The following SPAG9 variants were observed in gnomAD, a reference collection of about 807,000 sequenced individuals.
The protein encoded by SPAG9 is C-Jun-amino-terminal kinase-interacting protein 4.
SPAG9 carries 35 observed loss-of-function variants against 166.5 expected under a neutral mutation model. That is an observed-to-expected ratio of 0.21 (90% confidence interval 0.16 to 0.28). The LOEUF is 0.28. Among genes scored for constraint, SPAG9 ranks in the 10% least tolerant of loss-of-function variants. The pLI is 1.00. For synonymous variants in SPAG9, 534 were observed against 565.5 expected (o/e 0.94, Z 0.79); for missense variants, 1,235 against 1,603.3 (o/e 0.77, Z 3.92).
chr17:51,019,765 T>C (rs1321977093), intron 8 of SPAG9, among the ~76,000 whole-genome samples: 3 of 151,724 alleles, frequency 2.0e-5, no homozygotes, highest in African/African-American at 7.3e-5. Context: ...GGGAGGAGAA[T>C]TGCTTGAACC....
At chr17:50,980,631 G>A (rs2074207147) in intron 25 of SPAG9, among the ~76,000 whole-genome samples, 1 of 151,436 alleles carries the variant, frequency 6.6e-6, no homozygotes, top group East Asian at 2.0e-4. Context: ...ACTTTGGAAG[G>A]CCGAGGTGGG....
At position 50,964,618 on chromosome 17, in the gene SPAG9, T is replaced by G; in HGVS notation, c.*1654A>C. 3.7e-6 allele frequency: 1 copy of G among 270,170 alleles called. No homozygotes were observed. Among genetic ancestry groups the G allele is most frequent in the Non-Finnish European group, 7.5e-6 (1 of 132,952 alleles). 16.7% of individuals were successfully genotyped at this position (270,170 alleles called of 1,614,324 possible). ...AAAAAAAAAAAATCATATTTAGCTT[T>G]GCCTAGAGTAATAGATAAAAAAGGG... is the stretch of plus-strand genomic sequence containing the variant. On this transcript the variant is annotated 3_prime_UTR_variant, in exon 30 of 30. Transcript: ENST00000262013.
intron 9 of SPAG9, among the ~76,000 whole-genome samples, chr17:51,013,791 G>A (rs1273185118): frequency 6.6e-6 from 1 of 151,992 alleles, no homozygotes; most frequent in Non-Finnish European, 1.5e-5. Context: ...AGAAAACTTA[G>A]AAAAATCAAG....
In SPAG9 at chr17:51,120,739, G is replaced by A; in HGVS notation, c.-83C>T. On this transcript the variant is annotated 5_prime_UTR_variant, in exon 1 of 30. Transcript: ENST00000262013. The surrounding 1 kb of genome is among the most constrained non-coding windows in gnomAD (Gnocchi z 4.7). ...CCCGCACGGGACGGACCCGACTCGG[G>A]CTGGGACGGGTACTAGGGCTGGAGC... 1 of 1,265,272 alleles carries A rather than the reference G, an allele frequency of 7.9e-7. No homozygotes were observed. Among genetic ancestry groups the A allele is most frequent in the South Asian group, 1.5e-5 (1 of 68,926 alleles). 78.4% of individuals were successfully genotyped at this position (1,265,272 alleles called of 1,614,324 possible).
At chr17:51,094,013 C>T (rs1220725808) in intron 1 of SPAG9, among the ~76,000 whole-genome samples, 2 of 152,190 alleles carry the variant, frequency 1.3e-5, no homozygotes, top group African/African-American at 4.8e-5. Context: ...GGTCTAAAGT[C>T]TACGTACTAA....
At chr17:51,020,516 C>T (rs150974066) in intron 7 of SPAG9, among the ~76,000 whole-genome samples, 12 of 152,272 alleles carry the variant, frequency 7.9e-5, no homozygotes, top group Non-Finnish European at 1.8e-4. Context: ...CAAGGCCCTG[C>T]TTTCATTCTT....
intron 6 of SPAG9, among the ~76,000 whole-genome samples, chr17:51,022,875 G>A (rs556242990): frequency 2.7e-5 from 4 of 150,420 alleles, no homozygotes; most frequent in African/African-American, 7.3e-5. Flanking sequence ...ACTTGAACCC[G>A]GGAGGCAGAG....
At chr17:51,079,925 A>G (rs944664264) in intron 1 of SPAG9, among the ~76,000 whole-genome samples, 1 of 152,232 alleles carries the variant, frequency 6.6e-6, no homozygotes, top group Non-Finnish European at 1.5e-5. Context: ...ACTTCATGTT[A>G]TAGGCATTCC....
At chr17:51,111,368 A>G (rs929829564) in intron 1 of SPAG9, among the ~76,000 whole-genome samples, 9 of 152,208 alleles carry the variant, frequency 5.9e-5, no homozygotes, top group African/African-American at 2.2e-4. Context: ...GGTAGGTTCT[A>G]ACATCAGTTC....
At chr17:50,995,873 T>C in intron 16 of SPAG9, 3 of 192,162 alleles carry the variant, frequency 1.6e-5, no homozygotes, top group Non-Finnish European at 3.2e-5. Flanking sequence ...CTATGTTGCC[T>C]AGGCTGGTCT....
At chr17:50,975,034 A>T in intron 27 of SPAG9, 87 bp from the exon 28 acceptor site, 1 of 1,270,210 alleles carries the variant, frequency 7.9e-7, no homozygotes, top group African/African-American at 1.5e-5. Flanking sequence ...TTATGATATT[A>T]TCTAAAAGCT....
Position 50,996,458 on chromosome 17 carries a change from C to A in SPAG9, c.1968+107G>T, listed in dbSNP as rs1324776824. On this transcript the variant is annotated intron_variant, in intron 16 of 29. Coordinates refer to ENST00000262013, the MANE Select transcript of SPAG9 (RefSeq NM_001130528.3). ...TTAAATGTGTGCCCAGTCCATGCGGCTGAGATGAGCAGGGCTGGGATGCGT... is the reference window on the plus strand; with the variant it reads ...TTAAATGTGTGCCCAGTCCATGCGGATGAGATGAGCAGGGCTGGGATGCGT... 5 of 1,315,338 alleles carry A rather than the reference C, an allele frequency of 3.8e-6. No homozygotes were observed. The African/African-American group carries it at 7.3e-5, about 19-fold the overall frequency. 81.5% of individuals were successfully genotyped at this position (1,315,338 alleles called of 1,614,324 possible). A position where few individuals can be genotyped will look rare whatever the true frequency, so the allele number is the denominator to read the frequency against.
At chr17:51,114,851 C>T (rs2049237388) in intron 1 of SPAG9, among the ~76,000 whole-genome samples, 1 of 151,874 alleles carries the variant, frequency 6.6e-6, no homozygotes, top group East Asian at 1.9e-4. Flanking sequence ...ACTCAGGCAG[C>T]TGAGGCAGGA....
chr17:50,999,496 TA>T (rs377700707), intron 14 of SPAG9, 164 bp downstream of exon 14: 186,062 of 1,106,938 alleles, frequency 0.17, 1 homozygote, highest in South Asian at 0.19. Flanking sequence ...CACTATATAT[TA>T]AAAAAAAAAA....
intron 6 of SPAG9, chr17:51,031,315 G>A (rs1490507286): frequency 3.9e-6 from 1 of 255,994 alleles, no homozygotes; most frequent in African/African-American, 2.3e-5. Flanking sequence ...ACTGTAAGAT[G>A]ACACACTAGG....
chr17:51,066,285 A>AT (rs973691305), intron 2 of SPAG9, among the ~76,000 whole-genome samples: 1 of 151,604 alleles, frequency 6.6e-6, no homozygotes, highest in African/African-American at 2.4e-5. Context: ...TAATTTTTTG[A>AT]TTTTTTGTAG....
rs1250964348 is a variant in SPAG9, at chr17:50,995,008, T to TA, written c.2226+48dup. The TA allele has an allele frequency of 6.1e-6, 9 of 1,467,158 alleles. 1 individual carries two copies. Among genetic ancestry groups the TA allele is most frequent in the Non-Finnish European group, 7.4e-6 (8 of 1,085,164 alleles). 90.9% of individuals were successfully genotyped at this position (1,467,158 alleles called of 1,614,324 possible). A position where few individuals can be genotyped will look rare whatever the true frequency, so the allele number is the denominator to read the frequency against. On this transcript the variant is annotated intron_variant, in intron 18 of 29. Coordinates refer to ENST00000262013, the MANE Select transcript of SPAG9 (RefSeq NM_001130528.3). The stretch of plus-strand genomic sequence containing the variant: ...AGAGGCAAATTTTGGATGAAAGAGT[T>TA]AAACTCATAGTCTCATAAACCAGGT...
rs866840560 is a variant in SPAG9 at position 51,060,505 on chromosome 17, T to A, written c.425-4023A>T. 5.6e-3 allele frequency among the ~76,000 whole-genome samples: 568 copies of A among 101,478 alleles called. 3 individuals are homozygous for A. The highest frequency in any genetic ancestry group is 0.012 in the East Asian group (50 of 4,048). 66.6% of individuals were successfully genotyped at this position (101,478 alleles called of 152,430 possible). On this transcript the variant is annotated intron_variant, in intron 2 of 29. Coordinates refer to ENST00000262013, the MANE Select transcript of SPAG9 (RefSeq NM_001130528.3). ...GTGACAGAGCGGGACTTTGTCTTTT[T>A]AAAAAAAAAAAAAAAAAAAAAAGGC...
chr17:51,048,502 A>AAC (rs2047092687), intron 3 of SPAG9, among the ~76,000 whole-genome samples: 1 of 152,006 alleles, frequency 6.6e-6, no homozygotes, highest in African/African-American at 2.4e-5. Context: ...TTGAATTCTT[A>AAC]ACGCTGTACA....
Sources: allele counts gnomAD v4.1 joint callset (sites outside exome capture counted in the v4.1 genomes callset), GRCh38; gene constraint gnomAD v4.1.1; non-coding constraint Gnocchi (gnomAD v3.1); transcripts MANE v1.5; gene names NCBI Gene and HGNC (gene_info 2026-07-23, HGNC 2026-07-21).